The following SOAT2 variants were observed in gnomAD, a reference collection of about 807,000 sequenced individuals.
SOAT2 encodes sterol O-acyltransferase 2.
SOAT2 carries 87 observed loss-of-function variants against 76.0 expected under a neutral mutation model. That is an observed-to-expected ratio of 1.14 (90% CI 0.96 to 1.37). The LOEUF (loss-of-function observed/expected upper bound fraction) is 1.37. Among genes scored for constraint, SOAT2 ranks in the 40% most tolerant of loss-of-function variants. The pLI is 0.00. For synonymous variants in SOAT2, 285 were observed against 275.4 expected (o/e 1.03, Z -0.34); for missense variants, 686 against 682.1 (o/e 1.01, Z -0.06).
rs1455200737 is a variant in SOAT2 at position 53,116,181 on chromosome 12, T to C, written c.778+15T>C. On this transcript the variant is annotated intron_variant, in intron 7 of 14. Coordinates refer to ENST00000301466, the MANE Select transcript of SOAT2 (RefSeq NM_003578.4). ...TGCCAGACGAGGTGAGGCCTTCATC[T>C]TGCCCGGTTGTGAACTCAGTCCTCT... 3.1e-6 allele frequency: 5 copies of C among 1,611,408 alleles called. No homozygotes were observed. Among genetic ancestry groups the C allele is most frequent in the Non-Finnish European group, 4.2e-6 (5 of 1,177,544 alleles).
chr12:53,112,545 C>CAAAAAAAAAA (rs71095977), intron 5 of SOAT2, among the ~76,000 whole-genome samples: 6 of 58,214 alleles, frequency 1.0e-4, no homozygotes, highest in African/African-American at 1.8e-4. Context: ...AACTCTGTCT[C>CAAAAAAAAAA]AAAAAAAAAA....
chr12:53,116,162 A>G lies in SOAT2; in HGVS notation c.774A>G (p.Arg258=), dbSNP rs1247802704. 6.2e-7 allele frequency: 1 copy of G among 1,613,832 alleles called. No homozygotes were observed. The highest frequency in any genetic ancestry group is 1.1e-5 in the South Asian group (1 of 91,074). ...CTGTGCCTGGGACCCTTCGTGCCAG[A>G]CGAGGTGAGGCCTTCATCTTGCCCG... ...REAVPGTLRA[R]RGEGIQAPSF... The change falls in exon 7 of 15, where the codon AGA becomes AGG. Residue 258 remains arginine, a synonymous_variant. Coordinates refer to ENST00000301466, the MANE Select transcript of SOAT2 (RefSeq NM_003578.4).
At chr12:53,116,022 C>T (rs1938102250) in intron 6 of SOAT2, 75 bp from the exon 7 acceptor site, 2 of 1,303,644 alleles carry the variant, frequency 1.5e-6, no homozygotes, top group Non-Finnish European at 2.2e-6. Flanking sequence ...TCAGAGGTAA[C>T]CCAGAGCACA....
chr12:53,121,513 A>G, intron 12 of SOAT2, 112 bp downstream of exon 12: 1 of 833,922 alleles, frequency 1.2e-6, no homozygotes, highest in Non-Finnish European at 2.0e-6. Context: ...CTAAGGGCCT[A>G]AGGGCCGTTT....
In SOAT2 at chr12:53,116,820, A is replaced by G. The variant is rs150155426; in HGVS notation, c.778+654A>G. ...GAGGTGAAGGCTGCAGTGAGCCATG[A>G]CTATGTCACTGTACTCCAGCCTGGG... is the stretch of plus-strand genomic sequence containing the variant. On this transcript the variant is annotated intron_variant, in intron 7 of 14. Coordinates refer to ENST00000301466, the MANE Select transcript of SOAT2 (RefSeq NM_003578.4). Among the ~76,000 whole-genome samples the G allele has an allele frequency of 4.3e-3, 654 of 151,898 alleles. 2 individuals are homozygous for G. The highest frequency in any genetic ancestry group is 7.3e-3 in the South Asian group (35 of 4,806).
At position 53,123,764 on chromosome 12, in the gene SOAT2, G is replaced by A; in HGVS notation, c.1409G>A (p.Gly470Asp). 1 of 1,614,152 alleles carries A rather than the reference G, an allele frequency of 6.2e-7. No homozygotes were observed. The highest frequency in any genetic ancestry group is 8.5e-7 in the Non-Finnish European group (1 of 1,180,018). Residue 470 changes from glycine to aspartate, a missense_variant, in exon 14 of 15, where the codon GGC becomes GAC. Coordinates refer to ENST00000301466, the MANE Select transcript of SOAT2 (RefSeq NM_003578.4). The part of the protein sequence containing the change: ...LNFMMHDQRT[G>D]PAWNVLMWTM... ...TTCATGATGCATGACCAGCGCACCG[G>A]CCCGGCATGGAACGTGCTGATGTGG...
chr12:53,111,383 A>G (rs530025410), intron 5 of SOAT2, among the ~76,000 whole-genome samples: 34 of 152,346 alleles, frequency 2.2e-4, no homozygotes, highest in Admixed American at 1.1e-3. Flanking sequence ...CTGGGATTAC[A>G]GGTGTGAGCC....
At chr12:53,122,975 C>G (rs1938216766) in intron 12 of SOAT2, 106 bp from the exon 13 acceptor site, 1 of 1,285,542 alleles carries the variant, frequency 7.8e-7, no homozygotes, top group Non-Finnish European at 1.0e-6. Flanking sequence ...ACCCCCCCAC[C>G]TCCCTGCCGG....
intron 5 of SOAT2, among the ~76,000 whole-genome samples, chr12:53,112,231 G>A (rs901651942): frequency 2.6e-5 from 4 of 152,080 alleles, no homozygotes; most frequent in Admixed American, 2.6e-4. Flanking sequence ...CAACTGAGAA[G>A]GAAAAAAACT....
At position 53,124,056 on chromosome 12, in the gene SOAT2, A is replaced by G. The variant is rs750496617; in HGVS notation, c.1519-17A>G. 36 of 1,613,986 alleles carry G rather than the reference A, an allele frequency of 2.2e-5. No homozygotes were observed. Among genetic ancestry groups the G allele is most frequent in the Non-Finnish European group, 2.8e-5 (33 of 1,180,000 alleles). On this transcript the variant is annotated splice_polypyrimidine_tract_variant and intron_variant, in intron 14 of 14. Coordinates refer to ENST00000301466, the MANE Select transcript of SOAT2 (RefSeq NM_003578.4). ...CCAGGAATGATCTCATTCACGACTT[A>G]TTCTTCTCTGGCTCAGGCAACTTTC...
chr12:53,119,610 C>A (rs1046939805), intron 10 of SOAT2, among the ~76,000 whole-genome samples: 2 of 119,878 alleles, frequency 1.7e-5, no homozygotes, highest in African/African-American at 8.1e-5. Context: ...CTTGATGTGG[C>A]ATCCAAGGCT....
chr12:53,120,842 T>G lies in SOAT2; in HGVS notation c.1096T>G (p.Phe366Val). 1.2e-6 allele frequency: 2 copies of G among 1,614,020 alleles called. No individual in the cohort carries two copies. Among genetic ancestry groups the G allele is most frequent in the Middle Eastern group, 1.6e-4 (1 of 6,062 alleles). The change falls in exon 11 of 15, where the codon TTT (phenylalanine) becomes GTT (valine). Residue 366 changes from phenylalanine to valine, a missense_variant. Transcript: ENST00000301466. The stretch of plus-strand genomic sequence containing the variant: ...CTTCCTCCATTGCTGGCTCAACGCC[T>G]TTGCCGAGATGCTACGATTTGGAGA... ...FAFLHCWLNA[F>V]AEMLRFGDRM...
At chr12:53,111,052 A>AGTTT (rs137994041) in intron 5 of SOAT2, among the ~76,000 whole-genome samples, 27,854 of 151,358 alleles carry the variant, frequency 0.18, 3,261 homozygotes, top group African/African-American at 0.34. Flanking sequence ...AATTATGACA[A>AGTTT]GTTTATGAGT....
chr12:53,105,012 G>T, intron 2 of SOAT2, 95 bp from the exon 3 acceptor site: 23 of 1,253,338 alleles, frequency 1.8e-5, no homozygotes, highest in South Asian at 6.4e-5. Context: ...AAAAAGCACT[G>T]TGCCTGGCAT....
chr12:53,119,279 G>A (rs780061353), intron 10 of SOAT2, 26 bp downstream of exon 10: 1 of 1,612,362 alleles, frequency 6.2e-7, no homozygotes, highest in East Asian at 2.2e-5. Flanking sequence ...TAGGGCTAGA[G>A]CAGCTGTGCC....
chr12:53,118,135 C>T (rs1938133217), intron 7 of SOAT2, among the ~76,000 whole-genome samples: 1 of 152,086 alleles, frequency 6.6e-6, no homozygotes, highest in Admixed American at 6.6e-5. Context: ...CCTGAAATGA[C>T]AGCAGAAGAG....
intron 5 of SOAT2, among the ~76,000 whole-genome samples, chr12:53,108,679 C>T (rs973742308): frequency 4.6e-5 from 7 of 152,192 alleles, no homozygotes; most frequent in Admixed American, 1.3e-4. Context: ...GCAGTTAATT[C>T]CTGTCCTGCT....
At chr12:53,108,405 C>T (rs1330981363) in intron 5 of SOAT2, among the ~76,000 whole-genome samples, 1 of 152,178 alleles carries the variant, frequency 6.6e-6, no homozygotes, top group Non-Finnish European at 1.5e-5. Context: ...CCAATTATGT[C>T]CTGTTACAAA....
At chr12:53,115,945 T>C (rs956091278) in intron 6 of SOAT2, 152 bp from the exon 7 acceptor site, 1 of 724,880 alleles carries the variant, frequency 1.4e-6, no homozygotes, top group Non-Finnish European at 2.4e-6. Flanking sequence ...TGTTAGGCTA[T>C]ACGGCCATCC....
Sources: allele counts gnomAD v4.1 joint callset (sites outside exome capture counted in the v4.1 genomes callset), GRCh38; gene constraint gnomAD v4.1.1; transcripts MANE v1.5; gene names NCBI Gene and HGNC (gene_info 2026-07-23, HGNC 2026-07-21).